Variants in NCKAP5 observed in about 807,000 individuals in gnomAD.
NCKAP5 encodes the protein NCK associated protein 5.
A neutral mutation model predicts 167.0 loss-of-function variants in NCKAP5; 92 were observed. The observed-to-expected ratio is 0.55, with a 90% confidence interval of 0.47 to 0.66. NCKAP5 has a LOEUF of 0.66. Ranked by LOEUF, NCKAP5 falls within the 30% of genes least tolerant of loss-of-function variation. The pLI, the probability that NCKAP5 is intolerant of heterozygous loss-of-function variation, is 0.00. For missense variants in NCKAP5, 2,378 were observed against 2,315.0 expected (o/e 1.03, Z -0.56); for synonymous variants, 891 against 877.4 (o/e 1.02, Z -0.27).
rs996019754 is a variant in NCKAP5, at chr2:133,344,314, G to A, written c.70-41204C>T. ...TTCCAGCTACCCAGAAGGCTGAGGC[G>A]GGAGAATTTTTTGAACCTGGGAGGC... On this transcript the variant is annotated intron_variant, in intron 3 of 19. Coordinates refer to ENST00000409261, the MANE Select transcript of NCKAP5 (RefSeq NM_207363.3). 3.8e-4 allele frequency among the ~76,000 whole-genome samples: 58 copies of A among 151,640 alleles called. 1 individual carries two copies. Among genetic ancestry groups the A allele is most frequent in the African/African-American group, 1.1e-3 (45 of 41,254 alleles).
At chr2:133,200,327 A>G (rs560174958) in intron 5 of NCKAP5, among the ~76,000 whole-genome samples, 4 of 152,036 alleles carry the variant, frequency 2.6e-5, no homozygotes, top group Non-Finnish European at 5.9e-5. Context: ...CTTCACGTTC[A>G]TGTTAACTGA....
At chr2:133,190,691 T>C (rs1322416652) in intron 5 of NCKAP5, among the ~76,000 whole-genome samples, 1 of 152,150 alleles carries the variant, frequency 6.6e-6, no homozygotes, top group Non-Finnish European at 1.5e-5. Flanking sequence ...ATTTAATAAA[T>C]GGTGCTGGAA....
At chr2:133,536,855 TTGA>T (rs1182819867) in intron 2 of NCKAP5, among the ~76,000 whole-genome samples, 1 of 152,012 alleles carries the variant, frequency 6.6e-6, no homozygotes, top group African/African-American at 2.4e-5. Context: ...GCTTATGGTT[TTGA>T]TGTCAGATCT....
At chr2:133,160,858 T>C (rs1209089775) in intron 5 of NCKAP5, among the ~76,000 whole-genome samples, 1 of 152,088 alleles carries the variant, frequency 6.6e-6, no homozygotes, top group Non-Finnish European at 1.5e-5. Flanking sequence ...ACTTTACAGG[T>C]TATATTAGTA....
Position 132,831,148 on chromosome 2 carries a change from C to T in NCKAP5, c.807+29344G>A, listed in dbSNP as rs370666812. ...GATCAGTTTTACTCACTTTTCCCAC[C>T]GCATGGTGCTCCATCACACGGAAGA... On this transcript the variant is annotated intron_variant, in intron 11 of 19. Transcript: ENST00000409261. Among the ~76,000 whole-genome samples, 7 of 152,286 alleles carry T rather than the reference C, an allele frequency of 4.6e-5. No individual in the cohort carries two copies. In the South Asian group the frequency reaches 1.2e-3, roughly 27 times the overall value.
rs955454152 is a variant in NCKAP5 at position 133,492,403 on chromosome 2, G to C, written c.69+25055C>G. On this transcript the variant is annotated intron_variant, in intron 3 of 19. Transcript: ENST00000409261. The stretch of plus-strand genomic sequence containing the variant: ...GAACAGGAGTGAGGCCAGCAGGTCT[G>C]TGGGTTCTTGCGGAAAGCGGGACTG... 4.6e-5 allele frequency among the ~76,000 whole-genome samples: 7 copies of C among 152,196 alleles called. No homozygotes were observed. The South Asian group carries it at 1.4e-3, about 32-fold the overall frequency.
At chr2:133,637,449 T>G in the NCKAP5 span, among the ~76,000 whole-genome samples, 1 of 62,230 alleles carries the variant, frequency 1.6e-5, no homozygotes, top group Non-Finnish European at 2.9e-5. Context: ...GAGTAGACTC[T>G]CCAGAACTTC....
At chr2:133,353,344 C>T (rs1684492190) in intron 3 of NCKAP5, among the ~76,000 whole-genome samples, 1 of 152,138 alleles carries the variant, frequency 6.6e-6, no homozygotes, top group African/African-American at 2.4e-5. Flanking sequence ...ACCCTCTGCT[C>T]CCAGTTTTCC....
the NCKAP5 span, among the ~76,000 whole-genome samples, chr2:133,593,402 A>G: frequency 6.6e-6 from 1 of 151,980 alleles, no homozygotes; most frequent in African/African-American, 2.4e-5. Flanking sequence ...ACACCCTTGG[A>G]CCAATGGTGT....
At chr2:132,881,910 A>T (rs1574504706) in intron 8 of NCKAP5, among the ~76,000 whole-genome samples, 1 of 103,974 alleles carries the variant, frequency 9.6e-6, no homozygotes, top group Non-Finnish European at 2.4e-5. Context: ...AATGATTTTT[A>T]ACCAAATCAT....
intron 6 of NCKAP5, among the ~76,000 whole-genome samples, chr2:133,089,750 A>C (rs974861254): frequency 6.6e-6 from 1 of 152,192 alleles, no homozygotes; most frequent in African/African-American, 2.4e-5. Context: ...GGGAATCTTT[A>C]TTGCATGCTA....
At chr2:132,850,542 A>G (rs1330261482) in intron 11 of NCKAP5, among the ~76,000 whole-genome samples, 1 of 151,892 alleles carries the variant, frequency 6.6e-6, no homozygotes, top group Admixed American at 6.6e-5. Context: ...ATGCAGTGAG[A>G]TGCCTTCTGC....
chr2:133,445,746 G>A (rs964127369), intron 3 of NCKAP5, among the ~76,000 whole-genome samples: 2 of 152,142 alleles, frequency 1.3e-5, no homozygotes, highest in Non-Finnish European at 2.9e-5. Flanking sequence ...TTCAGGTTGA[G>A]GGAGGGGATA....
intron 4 of NCKAP5, among the ~76,000 whole-genome samples, chr2:133,227,825 C>T (rs1250024129): frequency 6.6e-6 from 1 of 152,080 alleles, no homozygotes; most frequent in Non-Finnish European, 1.5e-5. Flanking sequence ...CTCCTGGTTG[C>T]AAGTAACAGA....
At chr2:133,477,476 C>G (rs1680025592) in intron 3 of NCKAP5, among the ~76,000 whole-genome samples, 1 of 152,180 alleles carries the variant, frequency 6.6e-6, no homozygotes, top group Non-Finnish European at 1.5e-5. Flanking sequence ...AAGACAGCCT[C>G]CTTTTCCTCA....
At chr2:132,937,087 G>C (rs1696907334) in intron 8 of NCKAP5, among the ~76,000 whole-genome samples, 1 of 152,114 alleles carries the variant, frequency 6.6e-6, no homozygotes, top group African/African-American at 2.4e-5. Flanking sequence ...TAGAAGCTGG[G>C]GAATTTACTG....
intron 3 of NCKAP5, among the ~76,000 whole-genome samples, chr2:133,450,018 G>T (rs545982149): frequency 6.6e-6 from 1 of 151,676 alleles, no homozygotes; most frequent in African/African-American, 2.4e-5. Context: ...ACAAGGCCTT[G>T]TTGCAAGGCA....
rs1205927533 is a variant in NCKAP5 at position 133,437,363 on chromosome 2, AAAG to A, written c.69+80092_69+80094del. On this transcript the variant is annotated intron_variant, in intron 3 of 19. Transcript: ENST00000409261. Reference sequence around the variant, plus strand: ...GCGAGACTCTGTCTCAAAAAAAAAAAAAGAAGGAAAGAATGAAGTATTTACCTG... The same window carrying A: ...GCGAGACTCTGTCTCAAAAAAAAAAAAAGGAAAGAATGAAGTATTTACCTG... 2.0e-5 allele frequency among the ~76,000 whole-genome samples: 3 copies of A among 152,234 alleles called. No individual in the cohort carries two copies. In the East Asian group the frequency reaches 5.8e-4, roughly 29 times the overall value.
chr2:133,462,743 C>A (rs1264223322), intron 3 of NCKAP5, among the ~76,000 whole-genome samples: 2 of 152,120 alleles, frequency 1.3e-5, no homozygotes, highest in East Asian at 1.9e-4. Context: ...GAATAAGGAA[C>A]TTTGCAAATT....
Sources: gnomAD v4.1 joint callset for allele counts (sites outside exome capture counted in the v4.1 genomes callset) on GRCh38, gnomAD v4.1.1 for gene constraint, MANE v1.5 for transcripts, NCBI Gene and HGNC (gene_info 2026-07-23, HGNC 2026-07-21) for gene names.